CSMD1: variants seen among roughly 807,000 people sequenced by gnomAD.
CSMD1 encodes the protein CUB and Sushi multiple domains 1, also known as CUB and sushi domain-containing protein 1.
In CSMD1, 213 loss-of-function variants were observed where a neutral mutation model predicts 417.5. The ratio of observed to expected loss-of-function variants is 0.51; its 90% CI spans 0.46 to 0.57. The LOEUF (loss-of-function observed/expected upper bound fraction) is 0.57. Ranked by LOEUF, CSMD1 falls within the 20% of genes least tolerant of loss-of-function variation. The pLI is 0.00. For missense variants in CSMD1, 6,923 were observed against 4,529.7 expected, an observed-to-expected ratio of 1.53 and a Z score of -15.17; for synonymous variants, 2,862 against 1,736.8, an observed-to-expected ratio of 1.65 and a Z score of -16.11.
intron 10 of CSMD1, among the ~76,000 whole-genome samples, chr8:3,527,435 G>T (rs755463437): frequency 6.6e-6 from 1 of 152,176 alleles, no homozygotes; most frequent in Non-Finnish European, 1.5e-5. Flanking sequence ...ATTAGAGGTT[G>T]CTAAAGATTA....
chr8:3,991,602 C>G (rs1814757208), intron 5 of CSMD1, among the ~76,000 whole-genome samples: 1 of 152,196 alleles, frequency 6.6e-6, no homozygotes, highest in Non-Finnish European at 1.5e-5. Flanking sequence ...CTCCACCACA[C>G]AGTAACAGAG....
Position 4,994,354 on chromosome 8 carries a change from C to G in CSMD1, c.63G>C (p.Ala21=). ...LLLLGLLVLC[A]RLLTAAKGQN... is the part of the protein sequence containing the mutation. ...TACCCTTCGCTGCAGTGAGGAGCCT[C>G]GCGCACAGCACCAGCAGCCCGAGAA... The change falls in exon 1 of 70, where the codon GCG becomes GCC. Residue 21 remains alanine (A), a synonymous_variant. Coordinates refer to ENST00000635120, the MANE Select transcript of CSMD1 (RefSeq NM_033225.6). 7 of 1,611,482 alleles carry G rather than the reference C, an allele frequency of 4.3e-6. No individual in the cohort carries two copies. The highest frequency in any genetic ancestry group is 5.1e-6 in the Non-Finnish European group (6 of 1,179,830).
intron 11 of CSMD1, among the ~76,000 whole-genome samples, chr8:3,485,538 C>CACACACACACGG: frequency 7.4e-6 from 1 of 135,026 alleles, no homozygotes; most frequent in African/African-American, 2.9e-5. Flanking sequence ...CACACACACA[C>CACACACACACGG]AGAGAGAGAG....
At chr8:4,017,234 A>G (rs1035181473) in intron 4 of CSMD1, among the ~76,000 whole-genome samples, 2 of 152,076 alleles carry the variant, frequency 1.3e-5, no homozygotes, top group African/African-American at 2.4e-5. Flanking sequence ...TGTCAGCACT[A>G]TTTTTTTCAC....
At chr8:4,911,443 C>A (rs993862733) in intron 1 of CSMD1, among the ~76,000 whole-genome samples, 1 of 152,134 alleles carries the variant, frequency 6.6e-6, no homozygotes, top group South Asian at 2.1e-4. Flanking sequence ...TTTCCAGGTC[C>A]CATGAATACA....
At chr8:4,065,860 T>C (rs534725771) in intron 3 of CSMD1, among the ~76,000 whole-genome samples, 2 of 152,152 alleles carry the variant, frequency 1.3e-5, no homozygotes, top group Non-Finnish European at 2.9e-5. Context: ...ACACCCAAAG[T>C]TTTCCTTCAC....
At chr8:4,513,235 C>T (rs765723088) in intron 2 of CSMD1, among the ~76,000 whole-genome samples, 1 of 152,046 alleles carries the variant, frequency 6.6e-6, no homozygotes, top group Non-Finnish European at 1.5e-5. Flanking sequence ...TAAAGGAGAT[C>T]CTGTATGTGT....
chr8:4,009,176 T>C (rs1364856997), intron 4 of CSMD1, among the ~76,000 whole-genome samples: 1 of 152,218 alleles, frequency 6.6e-6, no homozygotes, highest in East Asian at 1.9e-4. Flanking sequence ...TTGAATCTAT[T>C]TATTTCTGTA....
intron 18 of CSMD1, among the ~76,000 whole-genome samples, chr8:3,375,779 T>G (rs1324072334): frequency 1.3e-5 from 2 of 152,138 alleles, no homozygotes; most frequent in Non-Finnish European, 2.9e-5. Flanking sequence ...AGCATGAATC[T>G]CTGCCTATGG....
chr8:3,771,204 TG>T (rs1264722037), intron 5 of CSMD1, among the ~76,000 whole-genome samples: 1 of 152,114 alleles, frequency 6.6e-6, no homozygotes, highest in Non-Finnish European at 1.5e-5. Context: ...CTACTCTTTT[TG>T]GGGCCAGCTA....
At chr8:3,411,891 T>C (rs749545015) in intron 12 of CSMD1, among the ~76,000 whole-genome samples, 5,461 of 61,296 alleles carry the variant, frequency 0.089, 44 homozygotes, top group Middle Eastern at 0.19. Context: ...TACACGTATA[T>C]ATGCACGTAT....
intron 3 of CSMD1, among the ~76,000 whole-genome samples, chr8:4,225,145 G>C (rs1397410516): frequency 3.3e-5 from 5 of 152,102 alleles, no homozygotes; most frequent in Admixed American, 2.6e-4. Flanking sequence ...CATTTTATTT[G>C]TTCATGTCAG....
intron 3 of CSMD1, among the ~76,000 whole-genome samples, chr8:4,038,515 G>A (rs1797731123): frequency 6.6e-6 from 1 of 152,112 alleles, no homozygotes; most frequent in Non-Finnish European, 1.5e-5. Flanking sequence ...TGTCATTTCT[G>A]CCAATTTCAT....
chr8:4,638,718 C>A (rs1802999766), intron 1 of CSMD1, among the ~76,000 whole-genome samples: 1 of 152,176 alleles, frequency 6.6e-6, no homozygotes, highest in South Asian at 2.1e-4. Context: ...CCCTTAAGAA[C>A]TTCCCTTTGG....
chr8:4,872,584 C>T (rs999819965), intron 1 of CSMD1, among the ~76,000 whole-genome samples: 1 of 152,092 alleles, frequency 6.6e-6, no homozygotes, highest in East Asian at 1.9e-4. Context: ...AATTAAAACA[C>T]TTTCCTTTAT....
At chr8:3,960,622 G>C (rs138668350) in intron 5 of CSMD1, among the ~76,000 whole-genome samples, 1 of 152,000 alleles carries the variant, frequency 6.6e-6, no homozygotes, top group East Asian at 1.9e-4. Context: ...AACATTAATG[G>C]AAATATTAAT....
intron 5 of CSMD1, among the ~76,000 whole-genome samples, chr8:3,941,968 C>A (rs1789517133): frequency 6.6e-6 from 1 of 152,080 alleles, no homozygotes; most frequent in Admixed American, 6.6e-5. Context: ...CAGCCCCTCC[C>A]CATTGCTGGC....
intron 1 of CSMD1, among the ~76,000 whole-genome samples, chr8:4,653,359 T>G (rs1804028526): frequency 6.6e-6 from 1 of 152,134 alleles, no homozygotes; most frequent in Non-Finnish European, 1.5e-5. Context: ...ATGGCTATCT[T>G]TCCGTGCTGC....
At chr8:3,287,244 C>T (rs1159581453) in intron 25 of CSMD1, among the ~76,000 whole-genome samples, 10 of 150,846 alleles carry the variant, frequency 6.6e-5, no homozygotes, top group Non-Finnish European at 1.2e-4. Context: ...GTGATGCCTC[C>T]AGCTTTGTTC....
Sources: allele counts gnomAD v4.1 joint callset (sites outside exome capture counted in the v4.1 genomes callset), GRCh38; gene constraint gnomAD v4.1.1; transcripts MANE v1.5; gene names NCBI Gene and HGNC (gene_info 2026-07-23, HGNC 2026-07-21).